The following NR3C1 variants were observed in gnomAD, a reference collection of about 807,000 sequenced individuals.
The protein encoded by NR3C1 is nuclear receptor subfamily 3 group C member 1.
NR3C1 carries 14 observed loss-of-function variants against 74.0 expected under a neutral mutation model. That is an observed-to-expected ratio of 0.19 (90% CI 0.12 to 0.30). The LOEUF is 0.30. Among genes scored for constraint, NR3C1 ranks in the 10% least tolerant of loss-of-function variants. The probability of loss-of-function intolerance (pLI) is 1.00; values close to 1 mark genes in which losing one functional copy is unlikely to be tolerated. For missense variants in NR3C1, 695 were observed against 909.8 expected (o/e 0.76, Z 3.04); for synonymous variants, 308 against 332.5 (o/e 0.93, Z 0.80).
At chr5:143,345,689 AT>A (rs1829157924) in intron 2 of NR3C1, among the ~76,000 whole-genome samples, 1 of 152,156 alleles carries the variant, frequency 6.6e-6, no homozygotes, top group African/African-American at 2.4e-5. Context: ...CCTTGATTTC[AT>A]CCACCATCAC....
In NR3C1 at chr5:143,279,183, A is replaced by C. The variant is rs1812747176; in HGVS notation, c.*2706T>G. On this transcript the variant is annotated 3_prime_UTR_variant, in exon 9 of 9. Coordinates refer to ENST00000394464, the MANE Select transcript of NR3C1 (RefSeq NM_000176.3). The stretch of plus-strand genomic sequence containing the variant: ...CTTAAATCCACAATTAAACATAATT[A>C]AGATGACTTTCTTTTCCCCCACGTA... 1 of 657,728 alleles carries C rather than the reference A, an allele frequency of 1.5e-6. No individual in the cohort carries two copies. The highest frequency in any genetic ancestry group is 1.9e-5 in the African/African-American group (1 of 52,086). 40.7% of individuals were successfully genotyped at this position (657,728 alleles called of 1,614,324 possible). A position where few individuals can be genotyped will look rare whatever the true frequency, so the allele number is the denominator to read the frequency against.
At chr5:143,404,094 A>G (rs1467474293), upstream of NR3C1, 1 of 985,096 alleles carries the variant, frequency 1.0e-6, no homozygotes, top group Non-Finnish European at 1.2e-6. Flanking sequence ...CCCACTCGGG[A>G]GCTCGCTCTG....
chr5:143,293,794 C>G, intron 7 of NR3C1: 2 of 710,380 alleles, frequency 2.8e-6, no homozygotes, highest in Non-Finnish European at 3.4e-6. Context: ...AAGAAGAACT[C>G]GTGATATTAT....
intron 8 of NR3C1, 26 bp from the exon 9 acceptor site, chr5:143,282,067 C>T (rs767023947): frequency 1.9e-6 from 3 of 1,612,912 alleles, no homozygotes; most frequent in African/African-American, 1.3e-5. Context: ...TGGTAATGAT[C>T]AGGCTTCCAA....
At chr5:143,292,148 G>A (rs534384804) in intron 7 of NR3C1, among the ~76,000 whole-genome samples, 36 of 152,248 alleles carry the variant, frequency 2.4e-4, no homozygotes, top group Admixed American at 1.8e-3. Flanking sequence ...AGGTACTGGA[G>A]GCTTCAGTTT....
rs79240429 is a variant in NR3C1 at position 143,349,874 on chromosome 5, G to T, written c.1185-35706C>A. On this transcript the variant is annotated intron_variant, in intron 2 of 8. Transcript: ENST00000394464. ...TAGGATAGGGGACACACCTGGTGCG[G>T]TGATGGTACTGAAGAGGGATATCTA... 4.4e-3 allele frequency among the ~76,000 whole-genome samples: 670 copies of T among 152,240 alleles called. 2 individuals are homozygous for T. The highest frequency in any genetic ancestry group is 0.015 in the African/African-American group (638 of 41,544).
chr5:143,323,216 C>T (rs780001045), intron 2 of NR3C1, among the ~76,000 whole-genome samples: 21 of 152,170 alleles, frequency 1.4e-4, no homozygotes, highest in Admixed American at 6.5e-5. Context: ...TAGTTGTTTT[C>T]ACACTGCTGA....
At chr5:143,332,605 T>C (rs1826211780) in intron 2 of NR3C1, 9 of 1,260,730 alleles carry the variant, frequency 7.1e-6, no homozygotes, top group Middle Eastern at 2.7e-4. Context: ...ACTAGAAAGA[T>C]GGCAGTAGCA....
chr5:143,322,011 T>C (rs112646429), intron 2 of NR3C1, among the ~76,000 whole-genome samples: 3 of 152,350 alleles, frequency 2.0e-5, no homozygotes, highest in African/African-American at 7.2e-5. Context: ...TTTCTATCTT[T>C]ATCTGTTTTG....
intron 1 of NR3C1, among the ~76,000 whole-genome samples, chr5:143,414,685 T>C (rs954474405): frequency 6.6e-6 from 1 of 152,240 alleles, no homozygotes; most frequent in Non-Finnish European, 1.5e-5. Context: ...TTTATCTGTC[T>C]GTCTAAATTT....
intron 1 of NR3C1, among the ~76,000 whole-genome samples, chr5:143,423,663 T>C (rs567026922): frequency 6.6e-6 from 1 of 152,266 alleles, no homozygotes; most frequent in Non-Finnish European, 1.5e-5. Context: ...TGCACTCCCA[T>C]GTTTACCGCA....
In NR3C1 at chr5:143,298,669, C is replaced by A; in HGVS notation, c.1891G>T (p.Glu631Ter). Residue 631 changes from glutamate to a stop codon, truncating the protein, a stop_gained and splice_region_variant, in exon 6 of 9, where the codon GAG (glutamate) becomes TAG (stop). Transcript: ENST00000394464. LOFTEE classifies it high-confidence loss of function. The part of the protein sequence containing the change: ...LCFAPDLIIN[E>*]QRMTLPCMYD... ...GAAAATGACACACATACAACTTACT[C>A]ATTAATAATCAGATCAGGAGCAAAA... 6.2e-7 allele frequency: 1 copy of A among 1,613,008 alleles called. No individual in the cohort carries two copies. The highest frequency in any genetic ancestry group is 1.1e-5 in the South Asian group (1 of 91,002).
At chr5:143,430,084 A>C (rs1238015879) in intron 1 of NR3C1, among the ~76,000 whole-genome samples, 1 of 148,728 alleles carries the variant, frequency 6.7e-6, no homozygotes, top group Non-Finnish European at 1.5e-5. Flanking sequence ...TCCATCTCCA[A>C]AAAAAAAAAA....
chr5:143,406,107 A>ATAATATATATGTATATATAT (rs1405933066), upstream of NR3C1, among the ~76,000 whole-genome samples: 11 of 151,504 alleles, frequency 7.3e-5, no homozygotes, highest in Middle Eastern at 3.5e-3. Context: ...ATGTATGTAT[A>ATAATATATATGTATATATAT]CATATGTATA....
At chr5:143,319,529 G>A (rs959619764) in intron 2 of NR3C1, among the ~76,000 whole-genome samples, 2 of 152,166 alleles carry the variant, frequency 1.3e-5, no homozygotes, top group Admixed American at 6.6e-5. Context: ...CCATTGGCTT[G>A]TCAGTTTTTG....
intron 2 of NR3C1, among the ~76,000 whole-genome samples, chr5:143,393,560 A>C (rs910503176): frequency 6.6e-6 from 1 of 152,160 alleles, no homozygotes; most frequent in Non-Finnish European, 1.5e-5. Context: ...ATAAAAAAGC[A>C]AAATCTGCAA....
chr5:143,405,031 C>G, upstream of NR3C1: 4 of 768,446 alleles, frequency 5.2e-6, no homozygotes, highest in Non-Finnish European at 6.3e-6. Flanking sequence ...GTGGTCCGTC[C>G]TGAGAAAGGA....
chr5:143,381,871 G>C (rs1167440141), intron 2 of NR3C1, among the ~76,000 whole-genome samples: 1 of 152,174 alleles, frequency 6.6e-6, no homozygotes, highest in East Asian at 1.9e-4. Context: ...TATGGGCAAA[G>C]ATTTCTTTAG....
rs1252551813 is a variant in NR3C1 at position 143,300,193 on chromosome 5, A to G, written c.1747+292T>C. On this transcript the variant is annotated intron_variant, in intron 5 of 8. Transcript: ENST00000394464. This position sits in a 1 kb window ranked among gnomAD's most constrained non-coding sequence, Gnocchi z 5.2. The stretch of plus-strand genomic sequence containing the variant: ...TAACTAAAAACATTTTCTTTCCCCA[A>G]ACTTCAGTGTAAAAGGAGTTTTGAG... Among the ~76,000 whole-genome samples, 2 of 152,230 alleles carry G rather than the reference A, an allele frequency of 1.3e-5. No homozygotes were observed. Among genetic ancestry groups the G allele is most frequent in the African/African-American group, 4.8e-5 (2 of 41,468 alleles).
Sources: gnomAD v4.1 joint callset for allele counts (sites outside exome capture counted in the v4.1 genomes callset) on GRCh38, gnomAD v4.1.1 for gene constraint, Gnocchi (gnomAD v3.1) non-coding constraint, MANE v1.5 for transcripts, NCBI Gene and HGNC (gene_info 2026-07-23, HGNC 2026-07-21) for gene names.